The following FBXO34 variants were observed in gnomAD, a reference collection of about 807,000 sequenced individuals.
FBXO34 encodes the protein F-box protein 34, also known as F-box only protein 34.
A neutral mutation model predicts 24.5 loss-of-function variants in FBXO34; 12 were observed. The ratio of observed to expected loss-of-function variants is 0.49; its 90% CI spans 0.31 to 0.79. The LOEUF (loss-of-function observed/expected upper bound fraction) is 0.79. Ranked by LOEUF, FBXO34 falls within the 30% of genes least tolerant of loss-of-function variation. The probability of loss-of-function intolerance (pLI) is 0.04; values close to 1 mark genes in which losing one functional copy is unlikely to be tolerated. For missense variants in FBXO34, 823 were observed against 857.7 expected (o/e 0.96, Z 0.51); for synonymous variants, 320 against 311.9 (o/e 1.03, Z -0.27).
chr14:55,278,696 T>G (rs1272647149), intron 1 of FBXO34, among the ~76,000 whole-genome samples: 1 of 152,194 alleles, frequency 6.6e-6, no homozygotes, highest in Non-Finnish European at 1.5e-5. Flanking sequence ...TAATACCTGT[T>G]TCTTTTTTTG....
At chr14:55,312,485 C>CT (rs2139749161) in intron 1 of FBXO34, among the ~76,000 whole-genome samples, 1 of 152,288 alleles carries the variant, frequency 6.6e-6, no homozygotes, top group Non-Finnish European at 1.5e-5. Context: ...AGTGGAGACT[C>CT]TGTGTGGGGG....
At chr14:55,386,519 A>T in the FBXO34 span, among the ~76,000 whole-genome samples, 46,728 of 152,136 alleles carry the variant, frequency 0.31, 7,444 homozygotes, top group Non-Finnish European at 0.34. Context: ...TAATCAGAGA[A>T]CCCAGGGATA....
At chr14:55,327,501 T>G (rs992795164) in intron 1 of FBXO34, among the ~76,000 whole-genome samples, 1 of 152,130 alleles carries the variant, frequency 6.6e-6, no homozygotes, top group Non-Finnish European at 1.5e-5. Flanking sequence ...TCTGAATATA[T>G]TTTGAAGATA....
At chr14:55,335,516 C>T (rs923359349) in intron 1 of FBXO34, 1 of 152,106 alleles carries the variant, frequency 6.6e-6, no homozygotes, top group Non-Finnish European at 1.5e-5. Context: ...GTATAAAATA[C>T]AATAATAAGT....
At chr14:55,401,941 A>G in the FBXO34 span, among the ~76,000 whole-genome samples, 12 of 152,192 alleles carry the variant, frequency 7.9e-5, no homozygotes, top group Admixed American at 5.9e-4. Flanking sequence ...TGGGAAAACA[A>G]TGACGGGAGT....
At chr14:55,409,773 C>T in the FBXO34 span, among the ~76,000 whole-genome samples, 2 of 152,178 alleles carry the variant, frequency 1.3e-5, no homozygotes, top group East Asian at 1.9e-4. Flanking sequence ...TGGTTAAGGA[C>T]TCCAGCTTTT....
At chr14:55,423,442 A>C in the FBXO34 span, among the ~76,000 whole-genome samples, 35 of 152,230 alleles carry the variant, frequency 2.3e-4, no homozygotes, top group Non-Finnish European at 2.9e-5. Flanking sequence ...AAAGCAGCCA[A>C]ATGTCTGCCC....
chr14:55,401,503 A>G, the FBXO34 span, among the ~76,000 whole-genome samples: 1 of 151,842 alleles, frequency 6.6e-6, no homozygotes, highest in Non-Finnish European at 1.5e-5. Flanking sequence ...TATTTTCCGT[A>G]TTTTCTCTCC....
At chr14:55,290,982 C>T (rs182864897) in intron 1 of FBXO34, among the ~76,000 whole-genome samples, 60 of 151,890 alleles carry the variant, frequency 4.0e-4, no homozygotes, top group Non-Finnish European at 6.9e-4. Context: ...ACCATGCCCA[C>T]CTAGTTTTTT....
intron 1 of FBXO34, chr14:55,298,876 A>T: frequency 6.2e-7 from 1 of 1,606,882 alleles, no homozygotes; most frequent in South Asian, 1.1e-5. Context: ...TCAACCATCG[A>T]GTTCCAGCAG....
At chr14:55,438,610 C>T in the FBXO34 span, among the ~76,000 whole-genome samples, 1 of 152,264 alleles carries the variant, frequency 6.6e-6, no homozygotes, top group South Asian at 2.1e-4. Context: ...CAAAGCTACA[C>T]GTACACAAGA....
intron 1 of FBXO34, among the ~76,000 whole-genome samples, chr14:55,304,054 G>T (rs1235038843): frequency 6.6e-6 from 1 of 152,174 alleles, no homozygotes; most frequent in African/African-American, 2.4e-5. Context: ...TGGATTTATT[G>T]CTTAGTTACA....
chr14:55,345,573 C>T (rs780728335), intron 1 of FBXO34, among the ~76,000 whole-genome samples: 2 of 152,222 alleles, frequency 1.3e-5, no homozygotes, highest in Non-Finnish European at 2.9e-5. Flanking sequence ...TGGGCTCTCA[C>T]AGCACCCTGT....
the FBXO34 span, chr14:55,396,056 A>G: frequency 8.6e-7 from 1 of 1,165,780 alleles, no homozygotes; most frequent in East Asian, 2.5e-5. Flanking sequence ...TGTAAAATCA[A>G]ACACTTAAAA....
At chr14:55,366,241 T>C (rs1283071152), downstream of FBXO34, among the ~76,000 whole-genome samples, 2 of 152,162 alleles carry the variant, frequency 1.3e-5, no homozygotes, top group Non-Finnish European at 1.5e-5. Context: ...TTTTAAAAAA[T>C]ATATTAACAT....
chr14:55,414,403 AATAGG>A, the FBXO34 span: 14 of 1,607,650 alleles, frequency 8.7e-6, no homozygotes, highest in Non-Finnish European at 1.0e-5. Flanking sequence ...AACCTTTTAG[AATAGG>A]ATAGATGTTT....
the FBXO34 span, among the ~76,000 whole-genome samples, chr14:55,401,304 G>T: frequency 6.6e-6 from 1 of 151,614 alleles, no homozygotes; most frequent in Admixed American, 6.6e-5. Flanking sequence ...AGGGAAATTG[G>T]CCATTTTTAT....
chr14:55,304,585 C>G (rs1882476496), intron 1 of FBXO34, among the ~76,000 whole-genome samples: 1 of 152,184 alleles, frequency 6.6e-6, no homozygotes, highest in South Asian at 2.1e-4. Context: ...ATTGTAAGGT[C>G]AAACTCCTGG....
At chr14:55,413,831 T>C in the FBXO34 span, 1 of 391,410 alleles carries the variant, frequency 2.6e-6, no homozygotes, top group Non-Finnish European at 4.9e-6. Context: ...ATCTTGCCCT[T>C]GTTTACAATG....
Sources: allele counts gnomAD v4.1 joint callset (sites outside exome capture counted in the v4.1 genomes callset), GRCh38; gene constraint gnomAD v4.1.1; transcripts MANE v1.5; gene names NCBI Gene and HGNC (gene_info 2026-07-23, HGNC 2026-07-21).